LARP7: variants seen among roughly 807,000 people sequenced by gnomAD.
LARP7 encodes the protein La ribonucleoprotein 7, transcriptional regulator.
A neutral mutation model predicts 69.3 loss-of-function variants in LARP7; 52 were observed. The observed-to-expected ratio is 0.75, with a 90% confidence interval of 0.60 to 0.95. The LOEUF is 0.95. LARP7 is among the 40% of genes least tolerant of loss of function. The probability of loss-of-function intolerance (pLI) is 0.00; values close to 1 mark genes in which losing one functional copy is unlikely to be tolerated. For synonymous variants in LARP7, 254 were observed against 215.9 expected (o/e 1.18, Z -1.55); for missense variants, 733 against 673.0 (o/e 1.09, Z -0.99).
intron 1 of LARP7, chr4:112,637,514 G>C (rs1220563108): frequency 2.6e-5 from 4 of 152,338 alleles, no homozygotes; most frequent in Admixed American, 6.5e-5. Context: ...CCTTGCGGAA[G>C]TACGGGTGCC....
intron 8 of LARP7, 109 bp downstream of exon 8, chr4:112,647,943 C>A (rs766460796): frequency 7.0e-6 from 6 of 854,578 alleles, no homozygotes; most frequent in Non-Finnish European, 1.0e-5. Flanking sequence ...CAGTAATGGC[C>A]TGTAGCCAAG....
At chr4:112,644,014 G>A (rs2048061811) in intron 1 of LARP7, among the ~76,000 whole-genome samples, 2 of 152,076 alleles carry the variant, frequency 1.3e-5, no homozygotes, top group Admixed American at 1.3e-4. Context: ...AGGCGGAGGC[G>A]GGCAGATCAC....
At chr4:112,651,129 C>G (rs2048712778) in intron 10 of LARP7, among the ~76,000 whole-genome samples, 3 of 152,022 alleles carry the variant, frequency 2.0e-5, no homozygotes. Context: ...TCTTATTTAC[C>G]CTTACCCTGC....
At chr4:112,643,623 G>A (rs531708196) in intron 1 of LARP7, among the ~76,000 whole-genome samples, 5 of 151,634 alleles carry the variant, frequency 3.3e-5, no homozygotes, top group South Asian at 2.1e-4. Flanking sequence ...TGAGGCTGGC[G>A]AATCACCTGA....
Position 112,653,218 on chromosome 4 carries a change from A to G in LARP7, c.1558A>G (p.Lys520Glu), listed in dbSNP as rs1249430625. 6.3e-7 allele frequency: 1 copy of G among 1,587,332 alleles called. No homozygotes were observed. The highest frequency in any genetic ancestry group is 8.5e-7 in the Non-Finnish European group (1 of 1,171,392). ...YTEINKKHCWKLEILSGDHEQ... is the reference protein window; with the variant it reads ...YTEINKKHCWELEILSGDHEQ... Reference sequence around the variant, plus strand: ...AGAAATTAACAAGAAACACTGCTGGAAACTCGAGATCCTTTCTGGTAAAAC... The same window carrying G: ...AGAAATTAACAAGAAACACTGCTGGGAACTCGAGATCCTTTCTGGTAAAAC... Residue 520 changes from lysine (K) to glutamate (E), a missense_variant, in exon 11 of 13, where the codon AAA becomes GAA. By Grantham distance (56) the Lys-to-Glu change is moderately conservative. Transcript: ENST00000344442.
chr4:112,638,641 C>T (rs757123249), intron 1 of LARP7, among the ~76,000 whole-genome samples: 5 of 152,110 alleles, frequency 3.3e-5, no homozygotes, highest in African/African-American at 1.2e-4. Context: ...ACCGACAGAC[C>T]GCATGTATGA....
At position 112,654,051 on chromosome 4, in the gene LARP7, CTTTG is replaced by C. The variant is rs560091604; in HGVS notation, c.1577-9_1577-6del. 4.8e-4 allele frequency: 769 copies of C among 1,586,696 alleles called. 1 individual carries two copies. Among genetic ancestry groups the C allele is most frequent in the African/African-American group, 3.8e-3 (283 of 74,372 alleles). ...TGTTCTTCTTTTCATCCATCAGAGT[CTTTG>C]TTTGTTTTTAAGGTGATCACGAACA... On this transcript the variant is annotated splice_polypyrimidine_tract_variant and intron_variant, in intron 11 of 12. Coordinates refer to ENST00000344442, the MANE Select transcript of LARP7 (RefSeq NM_016648.4).
intron 10 of LARP7, among the ~76,000 whole-genome samples, chr4:112,652,492 C>T (rs1411295941): frequency 6.6e-6 from 1 of 151,922 alleles, no homozygotes; most frequent in Non-Finnish European, 1.5e-5. Flanking sequence ...TAAAACTTTT[C>T]CTTGCTGGGT....
At chr4:112,652,215 C>G (rs899780886) in intron 10 of LARP7, among the ~76,000 whole-genome samples, 2 of 149,136 alleles carry the variant, frequency 1.3e-5, no homozygotes, top group Non-Finnish European at 3.0e-5. Context: ...TCTAAAAATT[C>G]AACATCTGAA....
At position 112,647,701 on chromosome 4, in the gene LARP7, T is replaced by C; in HGVS notation, c.1009T>C (p.Ser337Pro). The C allele has an allele frequency of 2.0e-6, 3 of 1,526,338 alleles. No homozygotes were observed. The highest frequency in any genetic ancestry group is 1.8e-6 in the Non-Finnish European group (2 of 1,141,922). 94.5% of individuals were successfully genotyped at this position (1,526,338 alleles called of 1,614,324 possible). A position where few individuals can be genotyped will look rare whatever the true frequency, so the allele number is the denominator to read the frequency against. Residue 337 changes from serine to proline, a missense_variant, in exon 8 of 13, where the codon TCT (serine) becomes CCT (proline). By Grantham distance (74) the Ser-to-Pro change is moderately conservative (BLOSUM62 -1). Transcript: ENST00000344442. ...ASKENRDIEI[S>P]TEEEKDTGDL... ...TTATTTATTTCAAGATATAGAAATC[T>C]CTACTGAAGAGGAAAAGGATACTGG...
intron 1 of LARP7, among the ~76,000 whole-genome samples, chr4:112,642,950 A>G (rs1560920189): frequency 6.6e-6 from 1 of 152,244 alleles, no homozygotes; most frequent in Non-Finnish European, 1.5e-5. Flanking sequence ...ACTGTATTAT[A>G]GGAGACTGAG....
intron 2 of LARP7, 99 bp from the exon 3 acceptor site, chr4:112,646,252 G>A (rs2048226024): frequency 1.7e-6 from 1 of 592,196 alleles, no homozygotes; most frequent in African/African-American, 1.9e-5. Flanking sequence ...TTACAGGCAT[G>A]AGCCACCGAG....
At chr4:112,641,164 G>C (rs138755445) in intron 1 of LARP7, among the ~76,000 whole-genome samples, 3,183 of 152,190 alleles carry the variant, frequency 0.021, 116 homozygotes, top group African/African-American at 0.072. Context: ...ACTTCGGGAG[G>C]CCAAGGCAGG....
At chr4:112,642,951 G>A (rs563492726) in intron 1 of LARP7, among the ~76,000 whole-genome samples, 42 of 152,200 alleles carry the variant, frequency 2.8e-4, no homozygotes, top group Non-Finnish European at 4.0e-4. Context: ...CTGTATTATA[G>A]GAGACTGAGG....
At chr4:112,656,721 C>T (rs1427141534) in intron 12 of LARP7, among the ~76,000 whole-genome samples, 1 of 152,132 alleles carries the variant, frequency 6.6e-6, no homozygotes, top group East Asian at 1.9e-4. Flanking sequence ...GAGTTCTAAA[C>T]ATCTTTGGAT....
intron 2 of LARP7, among the ~76,000 whole-genome samples, 200 bp downstream of exon 2, chr4:112,645,071 C>T (rs942136429): frequency 3.3e-5 from 5 of 150,846 alleles, no homozygotes; most frequent in East Asian, 3.9e-4. Context: ...CTCAGCCTCC[C>T]GAGTAGGTGG....
At chr4:112,640,287 C>T (rs1180407347) in intron 1 of LARP7, among the ~76,000 whole-genome samples, 1 of 152,188 alleles carries the variant, frequency 6.6e-6, no homozygotes, top group Non-Finnish European at 1.5e-5. Context: ...ATTTGAAATG[C>T]TTAACACTTT....
In LARP7 at chr4:112,646,404, G is replaced by A. The variant is rs748028917; in HGVS notation, c.256G>A (p.Asp86Asn). 2.7e-5 allele frequency: 43 copies of A among 1,605,330 alleles called. No individual in the cohort carries two copies. Among genetic ancestry groups the A allele is most frequent in the Middle Eastern group, 1.7e-4 (1 of 5,970 alleles). ...SFNKMKKLTTDGKLIARALRS... is the reference protein window; with the variant it reads ...SFNKMKKLTTNGKLIARALRS... The stretch of plus-strand genomic sequence containing the variant: ...TAACAAAATGAAAAAATTGACTACT[G>A]ATGGGAAGTTAATTGCCAGAGCATT... The change falls in exon 3 of 13, where the codon GAT becomes AAT. Residue 86 changes from aspartate (D) to asparagine (N), a missense_variant. Physicochemically the swap from Asp to Asn is conservative, Grantham distance 23 (BLOSUM62 1). Transcript: ENST00000344442.
At chr4:112,645,468 G>A (rs2048147532) in intron 2 of LARP7, 2 of 455,832 alleles carry the variant, frequency 4.4e-6, no homozygotes, top group South Asian at 1.6e-5. Flanking sequence ...CTATACTTTA[G>A]TTCATACAAG....
Sources: gnomAD v4.1 joint callset for allele counts (sites outside exome capture counted in the v4.1 genomes callset) on GRCh38, gnomAD v4.1.1 for gene constraint, MANE v1.5 for transcripts, NCBI Gene and HGNC (gene_info 2026-07-23, HGNC 2026-07-21) for gene names.